Variants in RNLS observed in about 807,000 individuals in gnomAD.
RNLS encodes the protein renalase, FAD dependent amine oxidase.
A neutral mutation model predicts 39.8 loss-of-function variants in RNLS; 39 were observed. The ratio of observed to expected loss-of-function variants is 0.98; its 90% CI spans 0.76 to 1.28. The LOEUF is 1.28. Among genes scored for constraint, RNLS ranks in the 50% most tolerant of loss-of-function variants. RNLS has a pLI of 0.00. For missense variants in RNLS, 410 were observed against 413.3 expected, an observed-to-expected ratio of 0.99 and a Z score of 0.07; for synonymous variants, 147 against 150.7, an observed-to-expected ratio of 0.98 and a Z score of 0.18.
chr10:88,202,444 A>AT, the RNLS span, among the ~76,000 whole-genome samples: 1 of 152,058 alleles, frequency 6.6e-6, no homozygotes, highest in East Asian at 1.9e-4. Context: ...AACTTAAAGT[A>AT]TAAAAAAAAA....
At chr10:88,182,210 A>G in the RNLS span, among the ~76,000 whole-genome samples, 1 of 152,118 alleles carries the variant, frequency 6.6e-6, no homozygotes, top group Admixed American at 6.6e-5. Context: ...TCAGAACTCA[A>G]AAGTGTTGAT....
At chr10:88,488,583 T>G (rs1323002752) in intron 4 of RNLS, among the ~76,000 whole-genome samples, 1 of 146,898 alleles carries the variant, frequency 6.8e-6, no homozygotes, top group East Asian at 2.0e-4. Flanking sequence ...GAAATTACCT[T>G]AAAAACTTCA....
intron 4 of RNLS, among the ~76,000 whole-genome samples, chr10:88,378,713 A>C (rs1165520603): frequency 6.6e-6 from 1 of 152,192 alleles, no homozygotes; most frequent in African/African-American, 2.4e-5. Context: ...CTTTTTGTCC[A>C]ATCATATTTG....
chr10:88,315,507 T>C (rs1845692102), intron 5 of RNLS, among the ~76,000 whole-genome samples: 1 of 152,152 alleles, frequency 6.6e-6, no homozygotes, highest in Admixed American at 6.5e-5. Flanking sequence ...GTGAAACATA[T>C]GAATATAATA....
chr10:88,289,770 C>A (rs911947431), intron 6 of RNLS, among the ~76,000 whole-genome samples: 1 of 152,102 alleles, frequency 6.6e-6, no homozygotes, highest in Non-Finnish European at 1.5e-5. Context: ...AAAACCTACA[C>A]AAAAAGTATT....
chr10:88,531,742 G>A (rs569561523), intron 4 of RNLS, among the ~76,000 whole-genome samples: 1 of 152,192 alleles, frequency 6.6e-6, no homozygotes, highest in Admixed American at 6.6e-5. Context: ...GTTTTTATGG[G>A]TTTCCAGCGA....
At chr10:88,444,472 A>C (rs1215418215) in intron 4 of RNLS, among the ~76,000 whole-genome samples, 1 of 152,238 alleles carries the variant, frequency 6.6e-6, no homozygotes, top group Non-Finnish European at 1.5e-5. Context: ...CTGGACAGAG[A>C]ATGACTTTGA....
the RNLS span, among the ~76,000 whole-genome samples, chr10:88,202,286 C>T: frequency 3.2e-4 from 35 of 110,686 alleles, no homozygotes; most frequent in Middle Eastern, 9.6e-3. Context: ...CATCACACAC[C>T]GGGGCCTGAT....
the RNLS span, among the ~76,000 whole-genome samples, chr10:88,178,356 C>T: frequency 1.4e-4 from 21 of 152,100 alleles, no homozygotes; most frequent in African/African-American, 3.4e-4. Flanking sequence ...GGAGTGAGGG[C>T]GACCAAGTGT....
intron 4 of RNLS, among the ~76,000 whole-genome samples, chr10:88,447,166 A>G (rs1010150658): frequency 1.3e-5 from 2 of 152,216 alleles, no homozygotes; most frequent in African/African-American, 4.8e-5. Flanking sequence ...TGGCCAGGAA[A>G]ATCAGGCAGG....
At chr10:88,259,457 G>C in the RNLS span, 1 of 152,174 alleles carries the variant, frequency 6.6e-6, no homozygotes, top group African/African-American at 2.4e-5. Flanking sequence ...GCTTATGGGC[G>C]CAAAGGCTAT....
chr10:88,491,321 A>G (rs1372650740), intron 4 of RNLS, among the ~76,000 whole-genome samples: 1 of 152,214 alleles, frequency 6.6e-6, no homozygotes, highest in East Asian at 1.9e-4. Context: ...GGATAAGAGT[A>G]GCCTACCTGC....
chr10:88,298,650 G>A (rs1378204163), intron 6 of RNLS, among the ~76,000 whole-genome samples: 1 of 152,146 alleles, frequency 6.6e-6, no homozygotes, highest in Non-Finnish European at 1.5e-5. Flanking sequence ...TATAGGTATA[G>A]GTTTATTTCT....
At chr10:88,210,225 A>G in the RNLS span, among the ~76,000 whole-genome samples, 3 of 152,142 alleles carry the variant, frequency 2.0e-5, no homozygotes, top group East Asian at 5.8e-4. Flanking sequence ...AGGGACTGAG[A>G]CTTCTTTTCC....
At chr10:88,539,859 AT>A (rs1201516170) in intron 4 of RNLS, among the ~76,000 whole-genome samples, 1 of 152,048 alleles carries the variant, frequency 6.6e-6, no homozygotes, top group Non-Finnish European at 1.5e-5. Context: ...TCATGATCTA[AT>A]TTTTCAATAT....
intron 4 of RNLS, among the ~76,000 whole-genome samples, chr10:88,563,641 G>A (rs530671331): frequency 2.9e-4 from 44 of 152,258 alleles, no homozygotes; most frequent in Non-Finnish European, 5.1e-4. Context: ...GTGACAGGAG[G>A]ATGTGAGAAG....
Position 88,569,927 on chromosome 10 carries a change from C to G in RNLS, c.526+2976G>C, listed in dbSNP as rs189073038. On this transcript the variant is annotated intron_variant, in intron 4 of 6. Transcript: ENST00000331772. ...TAAACAAACAAGTCTGAATAGATTC[C>G]TTTAAGAAATGGAATCTGTAATTTA... 3.4e-3 allele frequency among the ~76,000 whole-genome samples: 522 copies of G among 152,240 alleles called. 5 individuals are homozygous for G. Among genetic ancestry groups the G allele is most frequent in the African/African-American group, 0.012 (493 of 41,570 alleles).
At chr10:88,579,020 CTAATA>C (rs1356915275) in intron 3 of RNLS, among the ~76,000 whole-genome samples, 2 of 152,052 alleles carry the variant, frequency 1.3e-5, no homozygotes, top group African/African-American at 2.4e-5. Flanking sequence ...AAAAGGCATA[CTAATA>C]TGAGAAAAAG....
At chr10:88,332,539 G>A (rs1184072762) in intron 5 of RNLS, among the ~76,000 whole-genome samples, 2 of 152,246 alleles carry the variant, frequency 1.3e-5, no homozygotes, top group African/African-American at 2.4e-5. Context: ...AACCGTTGAA[G>A]AGGTTTGAAT....
Sources: allele counts gnomAD v4.1 joint callset (sites outside exome capture counted in the v4.1 genomes callset), GRCh38; gene constraint gnomAD v4.1.1; transcripts MANE v1.5; gene names NCBI Gene and HGNC (gene_info 2026-07-23, HGNC 2026-07-21).